Variants in SMARCA4 observed in about 807,000 individuals in gnomAD.
The protein encoded by SMARCA4 is SWI/SNF related BAF chromatin remodeling complex subunit ATPase 4.
SMARCA4 carries 31 observed loss-of-function variants against 193.9 expected under a neutral mutation model. The ratio of observed to expected loss-of-function variants is 0.16; its 90% CI spans 0.12 to 0.22. The LOEUF (loss-of-function observed/expected upper bound fraction) is 0.22, where lower values mean the gene tolerates loss of function less well. Ranked by LOEUF, SMARCA4 falls within the 10% of genes least tolerant of loss-of-function variation. The pLI, the probability that SMARCA4 is intolerant of heterozygous loss-of-function variation, is 1.00. For synonymous variants in SMARCA4, 942 were observed against 933.1 expected, an observed-to-expected ratio of 1.01 and a Z score of -0.17; for missense variants, 1,148 against 2,296.0, an observed-to-expected ratio of 0.50 and a Z score of 10.22.
At position 11,030,978 on chromosome 19, in the gene SMARCA4, T is replaced by G. The variant is rs1948376992; in HGVS notation, c.3546+85T>G. 8.1e-7 allele frequency: 1 copy of G among 1,232,164 alleles called. No individual in the cohort carries two copies. Among genetic ancestry groups the G allele is most frequent in the Admixed American group, 2.0e-5 (1 of 51,280 alleles). The allele number at this position is 1,232,164 out of a possible 1,614,324, so 76.3% of individuals were successfully genotyped here. On this transcript the variant is annotated intron_variant, in intron 25 of 34. Transcript: ENST00000344626. The surrounding 1 kb of genome is among the most constrained non-coding windows in gnomAD (Gnocchi z 5.5). ...GGAGACGGCCCTGGCTTGAGGGTCCTCCAGCCTCCTCCACATTGTCTTGGA... is the reference window on the plus strand; with the variant it reads ...GGAGACGGCCCTGGCTTGAGGGTCCGCCAGCCTCCTCCACATTGTCTTGGA...
At chr19:10,996,111 A>G in intron 9 of SMARCA4, 102 bp from the exon 10 acceptor site, 1 of 1,152,450 alleles carries the variant, frequency 8.7e-7, no homozygotes, top group Non-Finnish European at 1.3e-6. Context: ...CACCCGCGTG[A>G]GCTACGCGTG....
rs999151796 is a variant in SMARCA4 at position 10,985,660 on chromosome 19, G to C, written c.355+255G>C. Among the ~76,000 whole-genome samples, 1 of 152,228 alleles carries C rather than the reference G, an allele frequency of 6.6e-6. No individual in the cohort carries two copies. The highest frequency in any genetic ancestry group is 2.4e-5 in the African/African-American group (1 of 41,456). ...ATGTTCAGCATGGGTGATAGAGGAG[G>C]GCTGTGCAGGGCAGCAGCCCCGTGC... On this transcript the variant is annotated intron_variant, in intron 3 of 34. Transcript: ENST00000344626. The surrounding 1 kb of genome is among the most constrained non-coding windows in gnomAD (Gnocchi z 4.5).
intron 1 of SMARCA4, among the ~76,000 whole-genome samples, chr19:10,983,308 C>G (rs541441804): frequency 6.6e-6 from 1 of 152,214 alleles, no homozygotes; most frequent in East Asian, 1.9e-4. Context: ...AATACTTTAT[C>G]CTTTTTAAAC....
intron 8 of SMARCA4, 44 bp from the exon 9 acceptor site, chr19:10,994,784 C>T (rs2145934688): frequency 1.3e-6 from 2 of 1,564,676 alleles, no homozygotes; most frequent in Non-Finnish European, 1.8e-6. Context: ...ATGTGTCCAC[C>T]ATGCTGCTGA....
At chr19:11,007,514 G>T (rs2088348203) in intron 13 of SMARCA4, among the ~76,000 whole-genome samples, 1 of 151,482 alleles carries the variant, frequency 6.6e-6, no homozygotes, top group Non-Finnish European at 1.5e-5. Flanking sequence ...TGAGGCGAGA[G>T]GATTGCTTGA....
rs200586144 is a variant in SMARCA4 at position 10,989,726 on chromosome 19, C to CA, written c.1245+284dup. 2.4e-3 allele frequency among the ~76,000 whole-genome samples: 322 copies of CA among 132,906 alleles called. 11 individuals carry two copies. The East Asian group carries it at 0.057, about 23-fold the overall frequency. 87.2% of individuals were successfully genotyped at this position (132,906 alleles called of 152,430 possible). On this transcript the variant is annotated intron_variant, in intron 7 of 34. Coordinates refer to ENST00000344626, the MANE Select transcript of SMARCA4 (RefSeq NM_003072.5). ...TTCCCTTTTTTTTTTTTTTTGGAAA[C>CA]AGTCTTGCTCTATCACCTAGGCTGG...
rs542233013 is a variant in SMARCA4 at position 11,050,096 on chromosome 19, C to CA, written c.4425-8150dup. ...CCTGGGTGACAGTGAGACTACGTCT[C>CA]AAAAAAAAAGACTGTGCTAGACGGT... On this transcript the variant is annotated intron_variant, in intron 30 of 34. Coordinates refer to ENST00000344626, the MANE Select transcript of SMARCA4 (RefSeq NM_003072.5). Among the ~76,000 whole-genome samples, 199 of 151,004 alleles carry CA rather than the reference C, an allele frequency of 1.3e-3. 2 individuals are homozygous for CA. The South Asian group carries it at 0.024, about 18-fold the overall frequency.
At chr19:11,042,657 T>C (rs2075685823) in intron 30 of SMARCA4, among the ~76,000 whole-genome samples, 1 of 152,224 alleles carries the variant, frequency 6.6e-6, no homozygotes, top group African/African-American at 2.4e-5. Flanking sequence ...TTTTAGAGGA[T>C]GGTAACAATT....
chr19:11,046,948 CA>C (rs35450843), intron 30 of SMARCA4, among the ~76,000 whole-genome samples: 27,934 of 91,892 alleles, frequency 0.3, 2,207 homozygotes, highest in Middle Eastern at 0.36. Flanking sequence ...GACCCTGTTG[CA>C]AAAAAAAAAA....
At chr19:11,053,548 G>A (rs1568552359) in intron 30 of SMARCA4, among the ~76,000 whole-genome samples, 1 of 151,890 alleles carries the variant, frequency 6.6e-6, no homozygotes, top group African/African-American at 2.4e-5. Flanking sequence ...TGCGTTGTCT[G>A]TGGTTCCCTT....
At position 11,024,311 on chromosome 19, in the gene SMARCA4, G is replaced by C. The variant is rs1319493127; in HGVS notation, c.2974-20G>C. Reference sequence around the variant, plus strand: ...CTCAAGCCACCTTGGGCCCTCGTGAGCATTATGTGTCCCCTGCAGGTGGAG... The same window carrying C: ...CTCAAGCCACCTTGGGCCCTCGTGACCATTATGTGTCCCCTGCAGGTGGAG... On this transcript the variant is annotated intron_variant, in intron 20 of 34. Coordinates refer to ENST00000344626, the MANE Select transcript of SMARCA4 (RefSeq NM_003072.5). 6.4e-7 allele frequency: 1 copy of C among 1,573,228 alleles called. No individual in the cohort carries two copies. Among genetic ancestry groups the C allele is most frequent in the Non-Finnish European group, 8.7e-7 (1 of 1,143,454 alleles).
At chr19:11,037,675 GTGT>G (rs2075347186) in intron 29 of SMARCA4, among the ~76,000 whole-genome samples, 1 of 152,108 alleles carries the variant, frequency 6.6e-6, no homozygotes, top group African/African-American at 2.4e-5. Flanking sequence ...CTGTGCCTTG[GTGT>G]TGTATCTGAG....
In SMARCA4 at chr19:11,034,818, C is replaced by T; in HGVS notation, c.3952-96C>T. 1.2e-6 allele frequency: 1 copy of T among 817,836 alleles called. No homozygotes were observed. Among genetic ancestry groups the T allele is most frequent in the Non-Finnish European group, 2.0e-6 (1 of 491,974 alleles). 50.7% of individuals were successfully genotyped at this position (817,836 alleles called of 1,614,324 possible). A position where few individuals can be genotyped will look rare whatever the true frequency, so the allele number is the denominator to read the frequency against. On this transcript the variant is annotated intron_variant, in intron 28 of 34. Coordinates refer to ENST00000344626, the MANE Select transcript of SMARCA4 (RefSeq NM_003072.5). This position sits in a 1 kb window ranked among gnomAD's most constrained non-coding sequence, Gnocchi z 7.0. ...TCGCAGCAGCGTGGAGCCCCACGGGCAGAGAAAGGCCCTTCTGAACTCTCG... is the reference window on the plus strand; with the variant it reads ...TCGCAGCAGCGTGGAGCCCCACGGGTAGAGAAAGGCCCTTCTGAACTCTCG...
intron 1 of SMARCA4, among the ~76,000 whole-genome samples, chr19:10,972,718 G>C (rs1175394045): frequency 1.3e-5 from 2 of 152,194 alleles, no homozygotes; most frequent in African/African-American, 2.4e-5. Context: ...TCTCCACACA[G>C]TGTCACTCCT....
chr19:10,984,382 C>T lies in SMARCA4; in HGVS notation c.222+9C>T, dbSNP rs1477506632. The T allele has an allele frequency of 2.5e-6, 4 of 1,571,466 alleles. No homozygotes were observed. Among genetic ancestry groups the T allele is most frequent in the Non-Finnish European group, 3.5e-6 (4 of 1,158,280 alleles). ...TGCACCAGATGCACAAGGTAGGGAT[C>T]CCTGTGCCCGCCTCGCACCTGCGGC... On this transcript the variant is annotated intron_variant, in intron 2 of 34. Coordinates refer to ENST00000344626, the MANE Select transcript of SMARCA4 (RefSeq NM_003072.5). The surrounding 1 kb of genome is among the most constrained non-coding windows in gnomAD (Gnocchi z 4.3).
intron 24 of SMARCA4, among the ~76,000 whole-genome samples, chr19:11,029,238 C>A (rs1462035329): frequency 6.6e-6 from 1 of 152,246 alleles, no homozygotes; most frequent in South Asian, 2.1e-4. Context: ...AGCGGCTTCT[C>A]CCGTCCTCGA....
intron 6 of SMARCA4, among the ~76,000 whole-genome samples, chr19:10,988,891 T>C (rs543305007): frequency 6.6e-6 from 1 of 152,286 alleles, no homozygotes; most frequent in Non-Finnish European, 1.5e-5. Flanking sequence ...AACCTTCGCA[T>C]GTAACCTTCG....
intron 15 of SMARCA4, chr19:11,011,798 GC>G (rs1385156713): frequency 6.6e-6 from 1 of 152,208 alleles, no homozygotes; most frequent in Non-Finnish European, 1.5e-5. Flanking sequence ...GAGCTGTAGC[GC>G]CCTATGTCGA....
At chr19:11,015,256 G>C (rs2089246373) in intron 16 of SMARCA4, among the ~76,000 whole-genome samples, 1 of 152,182 alleles carries the variant, frequency 6.6e-6, no homozygotes, top group African/African-American at 2.4e-5. Context: ...CAAACCAGAG[G>C]CCTTATTTAC....
Sources: gnomAD v4.1 joint callset for allele counts (sites outside exome capture counted in the v4.1 genomes callset) on GRCh38, gnomAD v4.1.1 for gene constraint, Gnocchi (gnomAD v3.1) non-coding constraint, MANE v1.5 for transcripts, NCBI Gene and HGNC (gene_info 2026-07-23, HGNC 2026-07-21) for gene names.